SEMA4F: variants seen among roughly 807,000 people sequenced by gnomAD.
SEMA4F encodes semaphorin-4F.
A neutral mutation model predicts 78.4 loss-of-function variants in SEMA4F; 51 were observed. The ratio of observed to expected loss-of-function variants is 0.65; its 90% CI spans 0.52 to 0.82. SEMA4F has a LOEUF of 0.82. Among genes scored for constraint, SEMA4F ranks in the 40% least tolerant of loss-of-function variants. The pLI is 0.00. For synonymous variants in SEMA4F, 418 were observed against 408.7 expected, an observed-to-expected ratio of 1.02 and a Z score of -0.27; for missense variants, 938 against 1,014.4, an observed-to-expected ratio of 0.92 and a Z score of 1.02.
At chr2:74,664,018 A>G (rs1684557773) in intron 5 of SEMA4F, among the ~76,000 whole-genome samples, 1 of 152,200 alleles carries the variant, frequency 6.6e-6, no homozygotes, top group Non-Finnish European at 1.5e-5. Flanking sequence ...AAATGATTCT[A>G]TCACAAACCT....
At chr2:74,696,298 C>T in the SEMA4F span, among the ~76,000 whole-genome samples, 1 of 150,058 alleles carries the variant, frequency 6.7e-6, no homozygotes, top group Non-Finnish European at 1.5e-5. Context: ...CAGGTTCAAG[C>T]GATCCTCATG....
At chr2:74,659,111 C>T (rs1452761926) in intron 4 of SEMA4F, among the ~76,000 whole-genome samples, 1 of 152,162 alleles carries the variant, frequency 6.6e-6, no homozygotes, top group African/African-American at 2.4e-5. Flanking sequence ...TGGATAGCTC[C>T]CTCATTCTGG....
rs758123371 is a variant in SEMA4F, at chr2:74,673,843, C to T, written c.822+15C>T. The T allele has an allele frequency of 1.4e-5, 22 of 1,608,412 alleles. No homozygotes were observed. The highest frequency in any genetic ancestry group is 1.9e-5 in the Non-Finnish European group (22 of 1,176,678). On this transcript the variant is annotated intron_variant, in intron 7 of 13. Coordinates refer to ENST00000357877, the MANE Select transcript of SEMA4F (RefSeq NM_004263.5). The stretch of plus-strand genomic sequence containing the variant: ...GTGTGTGTGCGGTGAGACCCCATCC[C>T]AGCTGTCTGTCTGTCATCTCCTGCT...
In SEMA4F at chr2:74,658,252, C is replaced by T. The variant is rs1034251488; in HGVS notation, c.456+301C>T. Reference sequence around the variant, plus strand: ...GATGCTGGTTGGGCTGGGGAAACAACAAATCCAGGGAGAGACTTCAGAAAC... The same window carrying T: ...GATGCTGGTTGGGCTGGGGAAACAATAAATCCAGGGAGAGACTTCAGAAAC... On this transcript the variant is annotated intron_variant, in intron 4 of 13. Transcript: ENST00000357877. This position sits in a 1 kb window ranked among gnomAD's most constrained non-coding sequence, Gnocchi z 4.3. Among the ~76,000 whole-genome samples, 6 of 152,176 alleles carry T rather than the reference C, an allele frequency of 3.9e-5. No individual in the cohort carries two copies. Among genetic ancestry groups the T allele is most frequent in the African/African-American group, 1.4e-4 (6 of 41,416 alleles).
In SEMA4F at chr2:74,680,588, G is replaced by T; in HGVS notation, c.*379G>T. 5.7e-6 allele frequency: 1 copy of T among 175,510 alleles called. No individual in the cohort carries two copies. Among genetic ancestry groups the T allele is most frequent in the Non-Finnish European group, 1.2e-5 (1 of 83,030 alleles). 10.9% of individuals were successfully genotyped at this position (175,510 alleles called of 1,614,324 possible). A position where few individuals can be genotyped will look rare whatever the true frequency, so the allele number is the denominator to read the frequency against. ...GGCCGGAAGGAAGAGCCCTGGAGGT[G>T]GTTGGGGGCAAATGTGCCCTGAGTC... On this transcript the variant is annotated 3_prime_UTR_variant, in exon 14 of 14. Coordinates refer to ENST00000357877, the MANE Select transcript of SEMA4F (RefSeq NM_004263.5).
chr2:74,661,481 A>G (rs10207386), intron 4 of SEMA4F, among the ~76,000 whole-genome samples: 3,704 of 152,240 alleles, frequency 0.024, 130 homozygotes, highest in African/African-American at 0.074. Context: ...GTGAGAGGTA[A>G]GAAGGGAAGC....
chr2:74,656,673 G>C lies in SEMA4F; in HGVS notation c.285G>C (p.Glu95Asp), dbSNP rs1270045330. 4 of 1,614,154 alleles carry C rather than the reference G, an allele frequency of 2.5e-6. No individual in the cohort carries two copies. The highest frequency in any genetic ancestry group is 3.3e-5 in the Admixed American group (2 of 60,018). ...IFALSLPFSG[E>D]RPRRIDWMVP... The stretch of plus-strand genomic sequence containing the variant: ...CTTTATCCCTGCCCTTCTCAGGGGA[G>C]AGACCCCGCAGGGTGAGAGACAAGA... Residue 95 changes from glutamate (E) to aspartate (D), a missense_variant, in exon 2 of 14, where the codon GAG becomes GAC. Glu to Asp is a conservative substitution (Grantham distance 45). Coordinates refer to ENST00000357877, the MANE Select transcript of SEMA4F (RefSeq NM_004263.5).
chr2:74,667,689 T>C (rs1684766804), intron 5 of SEMA4F, among the ~76,000 whole-genome samples: 1 of 152,232 alleles, frequency 6.6e-6, no homozygotes, highest in Non-Finnish European at 1.5e-5. Flanking sequence ...TGGAAAAATA[T>C]GAATATTTTG....
chr2:74,668,284 TC>T, intron 5 of SEMA4F, among the ~76,000 whole-genome samples: 1 of 152,304 alleles, frequency 6.6e-6, no homozygotes, highest in South Asian at 2.1e-4. Flanking sequence ...CTGCAAATGT[TC>T]CAGATGCACT....
intron 4 of SEMA4F, among the ~76,000 whole-genome samples, chr2:74,662,146 T>C (rs1684458165): frequency 6.6e-6 from 1 of 152,198 alleles, no homozygotes; most frequent in Non-Finnish European, 1.5e-5. Context: ...GGTCATTCTT[T>C]ACTGACTTTG....
chr2:74,678,984 G>T (rs894773962), intron 12 of SEMA4F, among the ~76,000 whole-genome samples: 1 of 152,068 alleles, frequency 6.6e-6, no homozygotes, highest in African/African-American at 2.4e-5. Context: ...AGAAGATTCT[G>T]TTTCTTTTAA....
At chr2:74,667,401 C>G (rs552818425) in intron 5 of SEMA4F, among the ~76,000 whole-genome samples, 2 of 152,330 alleles carry the variant, frequency 1.3e-5, no homozygotes, top group Non-Finnish European at 1.5e-5. Flanking sequence ...GTCCTACCAG[C>G]AATGGCTACC....
At position 74,654,330 on chromosome 2, in the gene SEMA4F, G is replaced by A. The variant is rs1372794274; in HGVS notation, c.-47G>A. On this transcript the variant is annotated 5_prime_UTR_variant, in exon 1 of 14. Transcript: ENST00000357877. ...GAGGCCAGTAGCCCCGGGGCCCTGA[G>A]CAGAGGCCGTAGCTTGCGCCGCACC... is the stretch of plus-strand genomic sequence containing the variant. 2 of 1,425,370 alleles carry A rather than the reference G, an allele frequency of 1.4e-6. No individual in the cohort carries two copies. The highest frequency in any genetic ancestry group is 1.8e-6 in the Non-Finnish European group (2 of 1,096,520). The allele number at this position is 1,425,370 out of a possible 1,614,324, so 88.3% of individuals were successfully genotyped here. A position where few individuals can be genotyped will look rare whatever the true frequency, so the allele number is the denominator to read the frequency against.
At chr2:74,677,731 C>T (rs1440408307) in intron 12 of SEMA4F, among the ~76,000 whole-genome samples, 1 of 152,154 alleles carries the variant, frequency 6.6e-6, no homozygotes, top group Non-Finnish European at 1.5e-5. Flanking sequence ...TACTACAGAA[C>T]CTCAAGTATA....
chr2:74,669,517 G>A (rs1482641782), intron 5 of SEMA4F, among the ~76,000 whole-genome samples: 4 of 151,544 alleles, frequency 2.6e-5, no homozygotes, highest in East Asian at 1.9e-4. Flanking sequence ...CCTGGGAGGC[G>A]GAGATTACAG....
the SEMA4F span, among the ~76,000 whole-genome samples, chr2:74,698,005 G>A: frequency 6.5e-3 from 988 of 152,278 alleles, 8 homozygotes; most frequent in Non-Finnish European, 0.011. Context: ...GAAGATGCTT[G>A]TCCAGGCCCT....
intron 12 of SEMA4F, among the ~76,000 whole-genome samples, chr2:74,679,020 A>G (rs1005703456): frequency 6.6e-6 from 1 of 152,200 alleles, no homozygotes; most frequent in Non-Finnish European, 1.5e-5. Flanking sequence ...CATCTTTACA[A>G]CAGACCTAGT....
Position 74,675,330 on chromosome 2 carries a change from C to T in SEMA4F, c.1318C>T (p.His440Tyr). Residue 440 changes from histidine (H) to tyrosine (Y), a missense_variant, in exon 10 of 14, where the codon CAC (histidine) becomes TAC (tyrosine). Physicochemically the swap from His to Tyr is moderately conservative, Grantham distance 83. Coordinates refer to ENST00000357877, the MANE Select transcript of SEMA4F (RefSeq NM_004263.5). ...TDTAYLRVVA[H>Y]RVTSLSGKEY... ...TACAGCCTATCTCAGAGTCGTGGCC[C>T]ACAGGGTGACCAGCCTCTCAGGGAA... The T allele has an allele frequency of 6.2e-7, 1 of 1,614,136 alleles. No individual in the cohort carries two copies. Among genetic ancestry groups the T allele is most frequent in the South Asian group, 1.1e-5 (1 of 91,084 alleles).
At chr2:74,696,315 TC>T in the SEMA4F span, among the ~76,000 whole-genome samples, 1 of 151,306 alleles carries the variant, frequency 6.6e-6, no homozygotes. Context: ...CATGCCTCAG[TC>T]TCCCAAGTAG....
Sources: allele counts gnomAD v4.1 joint callset (sites outside exome capture counted in the v4.1 genomes callset), GRCh38; gene constraint gnomAD v4.1.1; non-coding constraint Gnocchi (gnomAD v3.1); transcripts MANE v1.5; gene names NCBI Gene and HGNC (gene_info 2026-07-23, HGNC 2026-07-21).